The following ATF7IP variants were observed in gnomAD, a reference collection of about 807,000 sequenced individuals.
The protein encoded by ATF7IP is activating transcription factor 7 interacting protein.
ATF7IP carries 23 observed loss-of-function variants against 106.4 expected under a neutral mutation model. That is an observed-to-expected ratio of 0.22 (90% CI 0.16 to 0.31). The LOEUF is 0.31. Among genes scored for constraint, ATF7IP ranks in the 10% least tolerant of loss-of-function variants. The pLI, the probability that ATF7IP is intolerant of heterozygous loss-of-function variation, is 1.00. For synonymous variants in ATF7IP, 542 were observed against 539.0 expected, an observed-to-expected ratio of 1.01 and a Z score of -0.08; for missense variants, 1,334 against 1,524.3, an observed-to-expected ratio of 0.88 and a Z score of 2.08.
Position 14,424,762 on chromosome 12 carries a change from T to C in ATF7IP, c.847T>C (p.Ser283Pro). ...ELASDELTSE[S>P]TFDRTFEPKS... ...GGCCTCTGATGAGCTGACTTCTGAA[T>C]CAACCTTTGATCGTACCTTTGAACC... The change falls in exon 2 of 15, where the codon TCA (serine) becomes CCA (proline). Residue 283 changes from serine to proline, a missense_variant. By Grantham distance (74) the Ser-to-Pro change is moderately conservative (BLOSUM62 -1). This residue lies in a region of ATF7IP where 438 missense variants were observed against 405.3 expected (regional missense o/e 1.08). Transcript: ENST00000261168. 1 of 1,614,190 alleles carries C rather than the reference T, an allele frequency of 6.2e-7. No individual in the cohort carries two copies.
rs1213601607 is a variant in ATF7IP, at chr12:14,460,484, T to C, written c.2159-11T>C. 6 of 1,592,420 alleles carry C rather than the reference T, an allele frequency of 3.8e-6. No homozygotes were observed. In the East Asian group the frequency reaches 1.1e-4, roughly 30 times the overall value. On this transcript the variant is annotated splice_polypyrimidine_tract_variant and intron_variant, in intron 8 of 14. Coordinates refer to ENST00000261168, the MANE Select transcript of ATF7IP (RefSeq NM_018179.5). Reference sequence around the variant, plus strand: ...ACCATTTAAACTGAGGCTTCTGTTTTCTTTCTATAGTATCTTCAACCAATC... The same window carrying C: ...ACCATTTAAACTGAGGCTTCTGTTTCCTTTCTATAGTATCTTCAACCAATC...
At chr12:14,476,039 C>T (rs1280784685) in intron 11 of ATF7IP, 71 bp downstream of exon 11, 3 of 1,052,568 alleles carry the variant, frequency 2.9e-6, no homozygotes, top group South Asian at 2.7e-5. Context: ...GTACAGTATT[C>T]TACAAAGACA....
At chr12:14,427,891 A>G (rs1012403043) in intron 2 of ATF7IP, among the ~76,000 whole-genome samples, 3 of 152,118 alleles carry the variant, frequency 2.0e-5, no homozygotes, top group African/African-American at 7.2e-5. Flanking sequence ...CCCAGTAAAT[A>G]TTTGTAAAGT....
chr12:14,470,036 C>G (rs904267623), intron 10 of ATF7IP, among the ~76,000 whole-genome samples: 3 of 152,140 alleles, frequency 2.0e-5, no homozygotes. Flanking sequence ...TGTACATCAT[C>G]AATCTTCATT....
chr12:14,408,075 C>T (rs1040313861), intron 1 of ATF7IP, among the ~76,000 whole-genome samples: 5 of 151,242 alleles, frequency 3.3e-5, no homozygotes, highest in Non-Finnish European at 7.4e-5. Context: ...TTATGATTCT[C>T]CTGTAAATAG....
At chr12:14,428,247 C>T (rs1025431095) in intron 2 of ATF7IP, among the ~76,000 whole-genome samples, 4 of 152,154 alleles carry the variant, frequency 2.6e-5, no homozygotes, top group African/African-American at 9.7e-5. Context: ...CCACACAAGG[C>T]AGTTAAGTGC....
Position 14,501,435 on chromosome 12 carries a change from TGTGA to T in ATF7IP, c.*3365_*3368del, listed in dbSNP as rs1171018085. 6.6e-6 allele frequency: 1 copy of T among 152,352 alleles called. No homozygotes were observed. Among genetic ancestry groups the T allele is most frequent in the African/African-American group, 2.4e-5 (1 of 41,592 alleles). The allele number at this position is 152,352 out of a possible 1,614,324, so 9.4% of individuals were successfully genotyped here. ...AGAGTAATTTTCACTCTGTCTTAAG[TGTGA>T]GTAAGCCTCTTCTAAAAATCTTGTT... is the stretch of plus-strand genomic sequence containing the variant. On this transcript the variant is annotated 3_prime_UTR_variant, in exon 15 of 15. Transcript: ENST00000261168.
intron 13 of ATF7IP, among the ~76,000 whole-genome samples, chr12:14,495,631 G>C (rs1251673306): frequency 6.6e-6 from 1 of 152,168 alleles, no homozygotes; most frequent in Non-Finnish European, 1.5e-5. Flanking sequence ...TGTCACAGCA[G>C]TTTTCTGTGG....
chr12:14,424,692 A>G lies in ATF7IP; in HGVS notation c.777A>G (p.Leu259=), dbSNP rs758320767. 191 of 1,614,046 alleles carry G rather than the reference A, an allele frequency of 1.2e-4. 1 individual carries two copies. Among genetic ancestry groups the G allele is most frequent in the Non-Finnish European group, 1.5e-4 (177 of 1,180,022 alleles). The change falls in exon 2 of 15, where the codon CTA becomes CTG. Residue 259 remains leucine, a synonymous_variant. Transcript: ENST00000261168. ...PASDDLASGD[L]SSSELASDDL... ...CTGATGATCTGGCCTCTGGTGATCT[A>G]TCCTCTAGTGAACTGGCCTCTGATG...
At chr12:14,384,389 A>G (rs1939125400) in intron 1 of ATF7IP, among the ~76,000 whole-genome samples, 1 of 152,072 alleles carries the variant, frequency 6.6e-6, no homozygotes, top group Non-Finnish European at 1.5e-5. Context: ...AGCTCTTTCA[A>G]ATTTGTCTTG....
At chr12:14,403,411 C>T (rs1312092555) in intron 1 of ATF7IP, among the ~76,000 whole-genome samples, 1 of 152,040 alleles carries the variant, frequency 6.6e-6, no homozygotes, top group Non-Finnish European at 1.5e-5. Context: ...TGTATAGTTT[C>T]TTGCCTCCTG....
intron 1 of ATF7IP, among the ~76,000 whole-genome samples, chr12:14,387,046 T>C (rs2058221688): frequency 6.6e-6 from 1 of 152,204 alleles, no homozygotes; most frequent in Admixed American, 6.5e-5. Context: ...AAATATATTC[T>C]GGGATCAGTA....
At chr12:14,434,267 A>G (rs999644201) in intron 2 of ATF7IP, 70 bp from the exon 3 acceptor site, 12 of 989,028 alleles carry the variant, frequency 1.2e-5, no homozygotes, top group Non-Finnish European at 1.8e-5. Flanking sequence ...ATAGTGACTA[A>G]AAATGTAAAT....
intron 5 of ATF7IP, among the ~76,000 whole-genome samples, chr12:14,443,555 G>GA (rs1565516619): frequency 6.6e-6 from 1 of 152,130 alleles, no homozygotes; most frequent in South Asian, 2.1e-4. Context: ...GTCATTCATG[G>GA]AAAAAACAGG....
At chr12:14,419,786 T>C (rs1289511487) in intron 1 of ATF7IP, among the ~76,000 whole-genome samples, 1 of 152,188 alleles carries the variant, frequency 6.6e-6, no homozygotes, top group Admixed American at 6.5e-5. Context: ...AGGTTTTGTA[T>C]TATTATATAT....
intron 11 of ATF7IP, among the ~76,000 whole-genome samples, chr12:14,477,328 TC>T (rs1944292628): frequency 6.6e-6 from 1 of 152,232 alleles, no homozygotes; most frequent in Non-Finnish European, 1.5e-5. Context: ...CCATCCTTCA[TC>T]CGGGTTGAAC....
chr12:14,489,454 C>A (rs141424532), intron 13 of ATF7IP, among the ~76,000 whole-genome samples: 2,364 of 152,138 alleles, frequency 0.016, 24 homozygotes, highest in Non-Finnish European at 0.019. Flanking sequence ...GCCAGCAGAA[C>A]GTAATGTCGC....
At chr12:14,472,820 G>GCACACA (rs35286428) in intron 10 of ATF7IP, among the ~76,000 whole-genome samples, 6 of 151,512 alleles carry the variant, frequency 4.0e-5, no homozygotes, top group African/African-American at 7.3e-5. Context: ...ATGAATGTAT[G>GCACACA]CACACACACA....
intron 13 of ATF7IP, among the ~76,000 whole-genome samples, chr12:14,492,036 C>T (rs909175889): frequency 5.9e-5 from 9 of 152,184 alleles, no homozygotes; most frequent in Non-Finnish European, 1.0e-4. Context: ...TAATGGCTTC[C>T]ATTTGACCTT....
Sources: gnomAD v4.1 joint callset for allele counts (sites outside exome capture counted in the v4.1 genomes callset) on GRCh38, gnomAD v4.1.1 for gene constraint, gnomAD v4.1.1 regional missense constraint, MANE v1.5 for transcripts, NCBI Gene and HGNC (gene_info 2026-07-23, HGNC 2026-07-21) for gene names.